Variants in PTPRD observed in about 807,000 individuals in gnomAD.
PTPRD encodes protein tyrosine phosphatase receptor type D, also known as receptor-type tyrosine-protein phosphatase delta.
Under a neutral mutation model 214.5 loss-of-function variants are expected in PTPRD, and 34 were observed. That is an observed-to-expected ratio of 0.16 (90% confidence interval 0.12 to 0.21). The LOEUF (loss-of-function observed/expected upper bound fraction) is 0.21, where lower values mean the gene tolerates loss of function less well. Among genes scored for constraint, PTPRD ranks in the 10% least tolerant of loss-of-function variants. PTPRD has a pLI of 1.00. For missense variants in PTPRD, 2,545 were observed against 2,398.7 expected (o/e 1.06, Z -1.27); for synonymous variants, 1,128 against 845.7 (o/e 1.33, Z -5.79).
chr9:9,118,185 T>G (rs988275778), intron 10 of PTPRD, among the ~76,000 whole-genome samples: 2 of 152,186 alleles, frequency 1.3e-5, no homozygotes, highest in Non-Finnish European at 2.9e-5. Flanking sequence ...GAAAGATGCA[T>G]AACACTATAA....
At chr9:9,427,822 C>A (rs201141080) in intron 8 of PTPRD, among the ~76,000 whole-genome samples, 3 of 151,940 alleles carry the variant, frequency 2.0e-5, no homozygotes, top group Non-Finnish European at 4.4e-5. Flanking sequence ...AAGCTTCATA[C>A]GTGAAAGAGA....
chr9:9,714,100 A>AAAAAC (rs1317788613), intron 7 of PTPRD, among the ~76,000 whole-genome samples: 12 of 152,038 alleles, frequency 7.9e-5, no homozygotes, highest in African/African-American at 2.9e-4. Flanking sequence ...AAAAAAAAAA[A>AAAAAC]AAAAAAAAAA....
chr9:9,681,248 T>C (rs1367231190), intron 7 of PTPRD, among the ~76,000 whole-genome samples: 1 of 151,776 alleles, frequency 6.6e-6, no homozygotes. Context: ...AGTGTAAGTG[T>C]AGGGTGCGGA....
intron 10 of PTPRD, among the ~76,000 whole-genome samples, chr9:9,178,173 G>C (rs2099926062): frequency 6.6e-6 from 1 of 152,008 alleles, no homozygotes; most frequent in Non-Finnish European, 1.5e-5. Context: ...TTTAATCAGA[G>C]TGTGGCTGAC....
chr9:10,339,351 C>T (rs1168068533), intron 3 of PTPRD, among the ~76,000 whole-genome samples: 1 of 151,746 alleles, frequency 6.6e-6, no homozygotes, highest in Non-Finnish European at 1.5e-5. Flanking sequence ...AACACACCTT[C>T]TTCCTGTTTG....
At chr9:10,025,598 G>T (rs569324564) in intron 4 of PTPRD, among the ~76,000 whole-genome samples, 1 of 152,164 alleles carries the variant, frequency 6.6e-6, no homozygotes, top group Non-Finnish European at 1.5e-5. Context: ...TAGAATGGGT[G>T]TTTGGCTGAG....
intron 35 of PTPRD, among the ~76,000 whole-genome samples, chr9:8,410,461 T>C (rs931982477): frequency 1.3e-5 from 2 of 150,664 alleles, no homozygotes; most frequent in Admixed American, 6.6e-5. Flanking sequence ...CATTTTCTCT[T>C]ATCTCTCTTT....
chr9:10,142,105 C>T (rs1195646007), intron 3 of PTPRD, among the ~76,000 whole-genome samples: 1 of 152,032 alleles, frequency 6.6e-6, no homozygotes, highest in Non-Finnish European at 1.5e-5. Context: ...CTTCCTTACA[C>T]CTTATACAAA....
intron 11 of PTPRD, among the ~76,000 whole-genome samples, chr9:8,931,869 G>T (rs1241096665): frequency 6.6e-6 from 1 of 151,968 alleles, no homozygotes; most frequent in African/African-American, 2.4e-5. Flanking sequence ...TCAGGGATTC[G>T]ACTTCTTCTT....
At chr9:8,903,252 T>C (rs1377222225) in intron 11 of PTPRD, among the ~76,000 whole-genome samples, 2 of 152,070 alleles carry the variant, frequency 1.3e-5, no homozygotes, top group Non-Finnish European at 2.9e-5. Context: ...AATCATCTCA[T>C]CTCCCAGGTA....
At chr9:8,921,597 G>T (rs1418450869) in intron 11 of PTPRD, among the ~76,000 whole-genome samples, 1 of 151,992 alleles carries the variant, frequency 6.6e-6, no homozygotes, top group Non-Finnish European at 1.5e-5. Flanking sequence ...TGGTTAAAGT[G>T]ATTCTCCCAA....
chr9:8,765,510 G>A (rs922151007), intron 11 of PTPRD, among the ~76,000 whole-genome samples: 2 of 152,234 alleles, frequency 1.3e-5, no homozygotes, highest in Non-Finnish European at 1.5e-5. Flanking sequence ...GGTTAGAAGC[G>A]GGTATTATCA....
intron 17 of PTPRD, 136 bp downstream of exon 17, chr9:8,526,491 C>G (rs979244215): frequency 8.8e-6 from 5 of 565,014 alleles, no homozygotes; most frequent in African/African-American, 3.9e-5. Context: ...CTGATCATAA[C>G]CAAACAGTAC....
chr9:10,210,825 A>ATATATATG (rs2099513545), intron 3 of PTPRD, among the ~76,000 whole-genome samples: 1 of 80,352 alleles, frequency 1.2e-5, no homozygotes, highest in Non-Finnish European at 2.3e-5. Context: ...ATATATATGT[A>ATATATATG]TGTATGTATG....
intron 3 of PTPRD, among the ~76,000 whole-genome samples, chr9:10,126,001 C>A (rs1188946593): frequency 6.6e-6 from 1 of 151,924 alleles, no homozygotes; most frequent in East Asian, 1.9e-4. Context: ...TAATTTTAAA[C>A]CTATAAAACA....
chr9:8,554,215 C>A (rs537422500), intron 14 of PTPRD, among the ~76,000 whole-genome samples: 1 of 151,752 alleles, frequency 6.6e-6, no homozygotes, highest in South Asian at 2.1e-4. Flanking sequence ...ACAAAACCCA[C>A]AGATTATAGT....
chr9:8,859,771 T>A lies in PTPRD; in HGVS notation c.-103-125825A>T, dbSNP rs930233432. On this transcript the variant is annotated intron_variant, in intron 11 of 45. Transcript: ENST00000381196. The stretch of plus-strand genomic sequence containing the variant: ...ATAAGTCACATATTTTTTAAAGGAA[T>A]CTCTCTAAACGAAGTTTAGTTTTCC... Among the ~76,000 whole-genome samples, 15 of 144,614 alleles carry A rather than the reference T, an allele frequency of 1.0e-4. No homozygotes were observed. In the Admixed American group the frequency reaches 1.0e-3, roughly 10 times the overall value. 94.9% of individuals were successfully genotyped at this position (144,614 alleles called of 152,430 possible). A position where few individuals can be genotyped will look rare whatever the true frequency, so the allele number is the denominator to read the frequency against.
chr9:8,447,710 GC>G (rs1164544725), intron 34 of PTPRD, among the ~76,000 whole-genome samples: 2 of 152,100 alleles, frequency 1.3e-5, no homozygotes, highest in East Asian at 3.9e-4. Flanking sequence ...ACTCTCACTG[GC>G]TCCCTTCTTT....
chr9:9,842,424 A>T (rs2058561672), intron 5 of PTPRD, among the ~76,000 whole-genome samples: 1 of 150,254 alleles, frequency 6.7e-6, no homozygotes, highest in South Asian at 2.1e-4. Context: ...GATTAAATCC[A>T]TGATAATATT....
Sources: gnomAD v4.1 joint callset for allele counts (sites outside exome capture counted in the v4.1 genomes callset) on GRCh38, gnomAD v4.1.1 for gene constraint, MANE v1.5 for transcripts, NCBI Gene and HGNC (gene_info 2026-07-23, HGNC 2026-07-21) for gene names.